Variants in GALNT18 observed in about 807,000 individuals in gnomAD.
GALNT18 encodes the protein GalNAc-transferase 18.
GALNT18 carries 44 observed loss-of-function variants against 69.5 expected under a neutral mutation model. The observed-to-expected ratio is 0.63, with a 90% CI of 0.50 to 0.81. The LOEUF (loss-of-function observed/expected upper bound fraction) is 0.81. Among genes scored for constraint, GALNT18 ranks in the 40% least tolerant of loss-of-function variants. The pLI, the probability that GALNT18 is intolerant of heterozygous loss-of-function variation, is 0.00. For synonymous variants in GALNT18, 364 were observed against 318.2 expected (o/e 1.14, Z -1.53); for missense variants, 715 against 810.0 (o/e 0.88, Z 1.42).
chr11:11,479,338 A>C (rs1590039462), intron 1 of GALNT18, among the ~76,000 whole-genome samples: 1 of 152,320 alleles, frequency 6.6e-6, no homozygotes, highest in East Asian at 1.9e-4. Context: ...AGGATTGAGG[A>C]AGAGGAGGTA....
intron 1 of GALNT18, among the ~76,000 whole-genome samples, chr11:11,599,918 A>T (rs1859595256): frequency 2.0e-5 from 3 of 152,016 alleles, no homozygotes; most frequent in African/African-American, 7.2e-5. Context: ...CATTTAGAAT[A>T]TCTTTAACTC....
chr11:11,445,654 G>C (rs761801603), intron 2 of GALNT18, among the ~76,000 whole-genome samples: 6 of 152,218 alleles, frequency 3.9e-5, no homozygotes, highest in Non-Finnish European at 7.3e-5. Context: ...AGCCTTCCAA[G>C]TACATGTGCA....
rs1372668534 is a variant in GALNT18 at position 11,604,932 on chromosome 11, C to T, written c.235+16427G>A. 6.6e-6 allele frequency among the ~76,000 whole-genome samples: 1 copy of T among 152,006 alleles called. No individual in the cohort carries two copies. Among genetic ancestry groups the T allele is most frequent in the African/African-American group, 2.4e-5 (1 of 41,348 alleles). ...TGACCCACTGGCTATTGCTCCTGGC[C>T]GTGAGTCTGCGGAGGTAAAAAAAAA... On this transcript the variant is annotated intron_variant, in intron 1 of 10. Transcript: ENST00000227756. This position sits in a 1 kb window ranked among gnomAD's most constrained non-coding sequence, Gnocchi z 5.6.
At position 11,353,096 on chromosome 11, in the gene GALNT18, C is replaced by T. The variant is rs566174971; in HGVS notation, c.1093-12092G>A. Reference sequence around the variant, plus strand: ...TATTAACATCTGTGTAAACTCTGGCCCTGCTTGGCACGGGTCCCGACATGT... The same window carrying T: ...TATTAACATCTGTGTAAACTCTGGCTCTGCTTGGCACGGGTCCCGACATGT... On this transcript the variant is annotated intron_variant, in intron 6 of 10. Coordinates refer to ENST00000227756, the MANE Select transcript of GALNT18 (RefSeq NM_198516.3). 57 of 1,614,116 alleles carry T rather than the reference C, an allele frequency of 3.5e-5. No homozygotes were observed. In the South Asian group the frequency reaches 4.3e-4, roughly 12 times the overall value.
chr11:11,570,178 G>A (rs890907919), intron 1 of GALNT18: 1 of 152,348 alleles, frequency 6.6e-6, no homozygotes, highest in Non-Finnish European at 1.5e-5. Flanking sequence ...AGCACACCGT[G>A]TGGGATTCAA....
chr11:11,399,595 G>A (rs1417124400), intron 3 of GALNT18, among the ~76,000 whole-genome samples: 1 of 152,204 alleles, frequency 6.6e-6, no homozygotes, highest in Non-Finnish European at 1.5e-5. Flanking sequence ...ATAAAACTTT[G>A]AGAGTCAGTG....
Position 11,564,652 on chromosome 11 carries a change from T to C in GALNT18, c.235+56707A>G, listed in dbSNP as rs1858599492. On this transcript the variant is annotated intron_variant, in intron 1 of 10. Transcript: ENST00000227756. This position sits in a 1 kb window ranked among gnomAD's most constrained non-coding sequence, Gnocchi z 4.3. ...GTAGCTAATGATGTTGGTTGGAATT[T>C]AATACCAACTTATCTATGAAAACCC... Among the ~76,000 whole-genome samples, 1 of 152,136 alleles carries C rather than the reference T, an allele frequency of 6.6e-6. No individual in the cohort carries two copies. Among genetic ancestry groups the C allele is most frequent in the African/African-American group, 2.4e-5 (1 of 41,430 alleles).
At position 11,432,307 on chromosome 11, in the gene GALNT18, C is replaced by T. The variant is rs75494509; in HGVS notation, c.595+314G>A. Among the ~76,000 whole-genome samples the T allele has an allele frequency of 6.6e-6, 1 of 152,194 alleles. No individual in the cohort carries two copies. Among genetic ancestry groups the T allele is most frequent in the East Asian group, 1.9e-4 (1 of 5,198 alleles). On this transcript the variant is annotated intron_variant, in intron 3 of 10. Transcript: ENST00000227756. This position sits in a 1 kb window ranked among gnomAD's most constrained non-coding sequence, Gnocchi z 5.8. The stretch of plus-strand genomic sequence containing the variant: ...AATGATGCATCATGGAAAAGAGTCA[C>T]TGGACATGTTCACTGTGTACATGGT...
At chr11:11,521,340 G>T (rs1226928521) in intron 1 of GALNT18, among the ~76,000 whole-genome samples, 3 of 152,104 alleles carry the variant, frequency 2.0e-5, no homozygotes, top group Non-Finnish European at 2.9e-5. Context: ...GGGAGCTCTG[G>T]TGACTTACGG....
intron 1 of GALNT18, among the ~76,000 whole-genome samples, chr11:11,468,734 G>T (rs1856208458): frequency 6.6e-6 from 1 of 152,054 alleles, no homozygotes; most frequent in African/African-American, 2.4e-5. Context: ...CAGGATGCTC[G>T]CTAATGCTGG....
chr11:11,364,917 G>T lies in GALNT18; in HGVS notation c.1092+7598C>A, dbSNP rs551631169. Among the ~76,000 whole-genome samples the T allele has an allele frequency of 2.0e-5, 3 of 151,004 alleles. No individual in the cohort carries two copies. In the East Asian group the frequency reaches 5.8e-4, roughly 29 times the overall value. On this transcript the variant is annotated intron_variant, in intron 6 of 10. Transcript: ENST00000227756. ...AAATTGGCCATAAGTTGACAATACT[G>T]AAACAAGGTAACAACTGCAACGGGA... is the stretch of plus-strand genomic sequence containing the variant.
chr11:11,293,218 T>C, intron 9 of GALNT18, 25 bp from the exon 10 acceptor site: 1 of 1,314,948 alleles, frequency 7.6e-7, no homozygotes, highest in Non-Finnish European at 9.8e-7. Flanking sequence ...AGGGAGAGAG[T>C]GTGGATAAAT....
At chr11:11,528,725 A>T (rs964860965) in intron 1 of GALNT18, among the ~76,000 whole-genome samples, 4 of 152,248 alleles carry the variant, frequency 2.6e-5, no homozygotes, top group African/African-American at 9.6e-5. Context: ...CCTGGGTGAT[A>T]CCAATGGGTA....
chr11:11,481,626 C>A lies in GALNT18; in HGVS notation c.236-32690G>T, dbSNP rs184166768. Among the ~76,000 whole-genome samples the A allele has an allele frequency of 2.6e-3, 403 of 152,248 alleles. 2 individuals are homozygous for A. Among genetic ancestry groups the A allele is most frequent in the Non-Finnish European group, 2.2e-3 (151 of 68,028 alleles). On this transcript the variant is annotated intron_variant, in intron 1 of 10. Coordinates refer to ENST00000227756, the MANE Select transcript of GALNT18 (RefSeq NM_198516.3). ...GACTGTGAGTTTCCCAGCACTCTGGCCTGCCCTAGTGTAGTAGACACCAAT... is the reference window on the plus strand; with the variant it reads ...GACTGTGAGTTTCCCAGCACTCTGGACTGCCCTAGTGTAGTAGACACCAAT...
intron 9 of GALNT18, among the ~76,000 whole-genome samples, chr11:11,322,947 C>G (rs927484792): frequency 6.1e-5 from 9 of 147,686 alleles, no homozygotes; most frequent in African/African-American, 2.2e-4. Context: ...AGTGATCAGG[C>G]TCTTTGATGT....
Position 11,404,616 on chromosome 11 carries a change from C to T in GALNT18, c.596-25352G>A, listed in dbSNP as rs189583672. Among the ~76,000 whole-genome samples the T allele has an allele frequency of 1.8e-4, 27 of 152,268 alleles. No individual in the cohort carries two copies. The highest frequency in any genetic ancestry group is 5.5e-4 in the African/African-American group (23 of 41,538). ...AACCTAAGCCCTCCGCCCCACCCTG[C>T]GTTCTGGAATTCCTCTCAAGCTTTA... On this transcript the variant is annotated intron_variant, in intron 3 of 10. Coordinates refer to ENST00000227756, the MANE Select transcript of GALNT18 (RefSeq NM_198516.3). This position sits in a 1 kb window ranked among gnomAD's most constrained non-coding sequence, Gnocchi z 4.5.
chr11:11,311,629 C>G (rs1462336520), intron 9 of GALNT18, among the ~76,000 whole-genome samples: 1 of 152,056 alleles, frequency 6.6e-6, no homozygotes, highest in East Asian at 1.9e-4. Flanking sequence ...GTCCCCTGCT[C>G]CTTTCCAACC....
At chr11:11,429,140 G>C (rs2133789012) in intron 3 of GALNT18, among the ~76,000 whole-genome samples, 1 of 152,260 alleles carries the variant, frequency 6.6e-6, no homozygotes, top group South Asian at 2.1e-4. Context: ...AGGTTTCCCA[G>C]GTCTGTCCCT....
rs1859251943 is a variant in GALNT18 at position 11,587,368 on chromosome 11, C to T, written c.235+33991G>A. ...CCATGATTCCCATGTCAGTACGCCA[C>T]GTATGCTGACCCCATCAGCAAAGCA... is the stretch of plus-strand genomic sequence containing the variant. On this transcript the variant is annotated intron_variant, in intron 1 of 10. Transcript: ENST00000227756. This position sits in a 1 kb window ranked among gnomAD's most constrained non-coding sequence, Gnocchi z 4.4. 2.0e-5 allele frequency among the ~76,000 whole-genome samples: 3 copies of T among 152,190 alleles called. No homozygotes were observed. Among genetic ancestry groups the T allele is most frequent in the South Asian group, 4.1e-4 (2 of 4,830 alleles).
Sources: gnomAD v4.1 joint callset for allele counts (sites outside exome capture counted in the v4.1 genomes callset) on GRCh38, gnomAD v4.1.1 for gene constraint, Gnocchi (gnomAD v3.1) non-coding constraint, MANE v1.5 for transcripts, NCBI Gene and HGNC (gene_info 2026-07-23, HGNC 2026-07-21) for gene names.